Variants in MDGA1 observed in about 807,000 individuals in gnomAD.
MDGA1 encodes the protein MAM domain containing glycosylphosphatidylinositol anchor 1.
Under a neutral mutation model 101.5 loss-of-function variants are expected in MDGA1, and 54 were observed. That is an observed-to-expected ratio of 0.53 (90% CI 0.43 to 0.67). The LOEUF (loss-of-function observed/expected upper bound fraction) is 0.67. Among genes scored for constraint, MDGA1 ranks in the 30% least tolerant of loss-of-function variants. MDGA1 has a pLI of 0.00. For missense variants in MDGA1, 1,083 were observed against 1,323.8 expected, an observed-to-expected ratio of 0.82 and a Z score of 2.82; for synonymous variants, 533 against 558.3, an observed-to-expected ratio of 0.95 and a Z score of 0.64.
At chr6:37,646,463 C>T in intron 10 of MDGA1, 88 bp from the exon 11 acceptor site, 6 of 1,162,394 alleles carry the variant, frequency 5.2e-6, no homozygotes, top group Non-Finnish European at 6.9e-6. Flanking sequence ...CCCTTCCGTG[C>T]CCACCTCCCA....
At chr6:37,678,490 C>T (rs1260173109) in intron 1 of MDGA1, among the ~76,000 whole-genome samples, 1 of 152,142 alleles carries the variant, frequency 6.6e-6, no homozygotes, top group East Asian at 1.9e-4. Flanking sequence ...CTCTGCTCTC[C>T]CTGTCATGAC....
chr6:37,664,212 C>A (rs1761692524), intron 1 of MDGA1, 106 bp from the exon 2 acceptor site: 1 of 1,428,906 alleles, frequency 7.0e-7, no homozygotes, highest in Non-Finnish European at 9.6e-7. Flanking sequence ...CCCAGATCTC[C>A]CCAGGCCATT....
intron 3 of MDGA1, 128 bp downstream of exon 3, chr6:37,658,117 G>C (rs1326202671): frequency 3.7e-6 from 4 of 1,074,800 alleles, no homozygotes; most frequent in Non-Finnish European, 3.9e-6. Flanking sequence ...TACCTCTTAG[G>C]CTCCTCCACC....
At chr6:37,678,172 C>T (rs1182715049) in intron 1 of MDGA1, among the ~76,000 whole-genome samples, 1 of 152,176 alleles carries the variant, frequency 6.6e-6, no homozygotes, top group Non-Finnish European at 1.5e-5. Context: ...GGAGCCACTC[C>T]TCACCCCCTA....
At chr6:37,665,830 A>C (rs1336239217) in intron 1 of MDGA1, among the ~76,000 whole-genome samples, 2 of 152,242 alleles carry the variant, frequency 1.3e-5, no homozygotes, top group African/African-American at 4.8e-5. Context: ...CATGAGACGC[A>C]TGTAACATGC....
In MDGA1 at chr6:37,697,742, T is replaced by A. The variant is rs1762451396; in HGVS notation, c.-931A>T. ...AGCGGGGCTACGCCGCGCCCCAAGT[T>A]GGTCGTCCCCGCCCCCGCCCGGCGG... On this transcript the variant is annotated 5_prime_UTR_variant, in exon 1 of 17. Coordinates refer to ENST00000434837, the MANE Select transcript of MDGA1 (RefSeq NM_153487.4). 1 of 149,038 alleles carries A rather than the reference T, an allele frequency of 6.7e-6. No homozygotes were observed. Among genetic ancestry groups the A allele is most frequent in the South Asian group, 2.1e-4 (1 of 4,802 alleles). The allele number at this position is 149,038 out of a possible 1,614,324, so 9.2% of individuals were successfully genotyped here. A position where few individuals can be genotyped will look rare whatever the true frequency, so the allele number is the denominator to read the frequency against.
chr6:37,671,795 T>C (rs1019660178), intron 1 of MDGA1, among the ~76,000 whole-genome samples: 1 of 152,150 alleles, frequency 6.6e-6, no homozygotes, highest in African/African-American at 2.4e-5. Context: ...TGCTATAAAA[T>C]GCATGTGGAT....
In MDGA1 at chr6:37,658,382, T is replaced by C. The variant is rs1179695571; in HGVS notation, c.245A>G (p.Lys82Arg). 4.3e-6 allele frequency: 7 copies of C among 1,611,816 alleles called. No individual in the cohort carries two copies. Among genetic ancestry groups the C allele is most frequent in the Non-Finnish European group, 5.1e-6 (6 of 1,179,022 alleles). Reference sequence around the variant, plus strand: ...GTTGAACACCGATGTCTCCTGGAACTTGTCCGAGGCGCTACCTGCCGTCTT... The same window carrying C: ...GTTGAACACCGATGTCTCCTGGAACCTGTCCGAGGCGCTACCTGCCGTCTT... Reference protein sequence around the residue: ...WTKTAGSASDKFQETSVFNET... With the variant: ...WTKTAGSASDRFQETSVFNET... The change falls in exon 3 of 17, where the codon AAG becomes AGG. Residue 82 changes from lysine to arginine, a missense_variant. This residue lies in a region of MDGA1 where 310 missense variants were observed against 355.9 expected (regional missense o/e 0.87). Transcript: ENST00000434837.
intron 1 of MDGA1, among the ~76,000 whole-genome samples, chr6:37,686,349 G>A (rs66993776): frequency 0.034 from 4,264 of 126,894 alleles, 99 homozygotes; most frequent in South Asian, 0.04. Context: ...CTGGAATCAC[G>A]TAGGGACTTT....
In MDGA1 at chr6:37,664,918, G is replaced by A. The variant is rs534021383; in HGVS notation, c.68-812C>T. Among the ~76,000 whole-genome samples the A allele has an allele frequency of 3.1e-3, 337 of 108,152 alleles. 4 individuals carry two copies. The highest frequency in any genetic ancestry group is 3.0e-3 in the Non-Finnish European group (165 of 55,016). The allele number at this position is 108,152 out of a possible 152,430, so 71.0% of individuals were successfully genotyped here. A position where few individuals can be genotyped will look rare whatever the true frequency, so the allele number is the denominator to read the frequency against. ...ACACACACACACACGGCTGCACATTGCCCTCCCTGAAGGCCTTCATTGTTT... is the reference window on the plus strand; with the variant it reads ...ACACACACACACACGGCTGCACATTACCCTCCCTGAAGGCCTTCATTGTTT... On this transcript the variant is annotated intron_variant, in intron 1 of 16. Transcript: ENST00000434837.
chr6:37,664,648 C>T, intron 1 of MDGA1, among the ~76,000 whole-genome samples: 1 of 136,948 alleles, frequency 7.3e-6, no homozygotes, highest in Non-Finnish European at 1.6e-5. Context: ...GGTGGGGTGA[C>T]TATGGCACTG....
chr6:37,646,318 G>T lies in MDGA1; in HGVS notation c.2104C>A (p.Gln702Lys). ...TCGGTCAGGATGTACTCCAGCAGCT[G>T]CCCCTTCTCCACACGCCGGACCGGG... ...AIPVRRVEKG[Q>K]LLEYILTDLR... is the part of the protein sequence containing the mutation. The change falls in exon 11 of 17, where the codon CAG becomes AAG. Residue 702 changes from glutamine (Q) to lysine (K), a missense_variant. By Grantham distance (53) the Gln-to-Lys change is moderately conservative. Coordinates refer to ENST00000434837, the MANE Select transcript of MDGA1 (RefSeq NM_153487.4). 2 of 1,592,608 alleles carry T rather than the reference G, an allele frequency of 1.3e-6. No individual in the cohort carries two copies. The highest frequency in any genetic ancestry group is 3.5e-5 in the Admixed American group (2 of 57,368).
intron 1 of MDGA1, among the ~76,000 whole-genome samples, chr6:37,668,954 TCTC>T (rs1761813552): frequency 1.3e-5 from 2 of 152,102 alleles, no homozygotes; most frequent in South Asian, 4.1e-4. Context: ...TTCAAGCAAT[TCTC>T]CTGCCTCAGC....
At position 37,696,266 on chromosome 6, in the gene MDGA1, G is replaced by A. The variant is rs936584579; in HGVS notation, c.67+479C>T. Among the ~76,000 whole-genome samples the A allele has an allele frequency of 3.3e-5, 5 of 152,188 alleles. No homozygotes were observed. The highest frequency in any genetic ancestry group is 9.6e-5 in the African/African-American group (4 of 41,460). ...GTGTCAAGCCCTGAGTAGAAGAAGCGAAGCCGCAGCAACAGCGGGGAAGGC... is the reference window on the plus strand; with the variant it reads ...GTGTCAAGCCCTGAGTAGAAGAAGCAAAGCCGCAGCAACAGCGGGGAAGGC... On this transcript the variant is annotated intron_variant, in intron 1 of 16. Transcript: ENST00000434837. The surrounding 1 kb of genome is among the most constrained non-coding windows in gnomAD (Gnocchi z 5.6).
At position 37,637,241 on chromosome 6, in the gene MDGA1, C is replaced by G; in HGVS notation, c.*127G>C. ...TCTCTGCTCATCCTTGCAGCCAATGCAGGCCCCCTCCCTGGCGGGCCGGCC... is the reference window on the plus strand; with the variant it reads ...TCTCTGCTCATCCTTGCAGCCAATGGAGGCCCCCTCCCTGGCGGGCCGGCC... On this transcript the variant is annotated 3_prime_UTR_variant, in exon 17 of 17. Transcript: ENST00000434837. 3 of 682,020 alleles carry G rather than the reference C, an allele frequency of 4.4e-6. No homozygotes were observed. Among genetic ancestry groups the G allele is most frequent in the Non-Finnish European group, 7.7e-6 (3 of 389,728 alleles). The allele number at this position is 682,020 out of a possible 1,614,324, so 42.2% of individuals were successfully genotyped here.
At position 37,655,768 on chromosome 6, in the gene MDGA1, G is replaced by A; in HGVS notation, c.511C>T (p.Arg171Trp). Reference sequence around the variant, plus strand: ...CTGTGGGATAGGGTATCGGAACCCCGCTTCCAGATGAAGCGGGCAGGCGGG... The same window carrying A: ...CTGTGGGATAGGGTATCGGAACCCCACTTCCAGATGAAGCGGGCAGGCGGG... ...SNPPARFIWK[R>W]GSDTLSHSQD... Residue 171 changes from arginine to tryptophan, a missense_variant, in exon 4 of 17, where the codon CGG (arginine) becomes TGG (tryptophan). Transcript: ENST00000434837. This position sits in a 1 kb window ranked among gnomAD's most constrained non-coding sequence, Gnocchi z 5.1. 6.2e-7 allele frequency: 1 copy of A among 1,613,052 alleles called. No individual in the cohort carries two copies.
At chr6:37,662,330 C>T (rs532632760) in intron 2 of MDGA1, among the ~76,000 whole-genome samples, 4 of 152,072 alleles carry the variant, frequency 2.6e-5, no homozygotes, top group Admixed American at 2.6e-4. Flanking sequence ...AAAGGCGTGC[C>T]AGTACAGTGC....
At chr6:37,685,324 G>A (rs963698650) in intron 1 of MDGA1, among the ~76,000 whole-genome samples, 10 of 152,050 alleles carry the variant, frequency 6.6e-5, no homozygotes, top group African/African-American at 1.9e-4. Flanking sequence ...CACTTCAGGA[G>A]CGTCTCAGGG....
chr6:37,641,176 T>A (rs2113998630), intron 14 of MDGA1, among the ~76,000 whole-genome samples: 1 of 152,272 alleles, frequency 6.6e-6, no homozygotes. Flanking sequence ...AGCCAACTCA[T>A]TTCATCCCAG....
Sources: gnomAD v4.1 joint callset for allele counts (sites outside exome capture counted in the v4.1 genomes callset) on GRCh38, gnomAD v4.1.1 for gene constraint, gnomAD v4.1.1 regional missense constraint, Gnocchi (gnomAD v3.1) non-coding constraint, MANE v1.5 for transcripts, NCBI Gene and HGNC (gene_info 2026-07-23, HGNC 2026-07-21) for gene names.